The following WLS variants were observed in gnomAD, a reference collection of about 807,000 sequenced individuals.
WLS encodes protein wntless homolog.
A neutral mutation model predicts 62.8 loss-of-function variants in WLS; 23 were observed. That is an observed-to-expected ratio of 0.37 (90% CI 0.26 to 0.52). The LOEUF is 0.52. Among genes scored for constraint, WLS ranks in the 20% least tolerant of loss-of-function variants. The pLI is 0.92. For missense variants in WLS, 615 were observed against 697.3 expected (o/e 0.88, Z 1.33); for synonymous variants, 246 against 244.1 (o/e 1.01, Z -0.07).
At chr1:68,149,992 T>C (rs1646804440) in intron 6 of WLS, among the ~76,000 whole-genome samples, 196 bp downstream of exon 6, 2 of 152,218 alleles carry the variant, frequency 1.3e-5, no homozygotes, top group African/African-American at 4.8e-5. Context: ...GTCATTTGCC[T>C]AAAGCCACTC....
chr1:68,215,937 T>G (rs1344731047), intron 1 of WLS, among the ~76,000 whole-genome samples: 1 of 152,140 alleles, frequency 6.6e-6, no homozygotes, highest in African/African-American at 2.4e-5. Context: ...AGACCCAGAT[T>G]CCACCCGGGG....
At chr1:68,134,667 A>G (rs926775801) in intron 11 of WLS, among the ~76,000 whole-genome samples, 1 of 152,256 alleles carries the variant, frequency 6.6e-6, no homozygotes, top group Non-Finnish European at 1.5e-5. Context: ...GTCACAAACC[A>G]AAACAACTGT....
chr1:68,155,244 C>A lies in WLS; in HGVS notation c.521G>T (p.Gly174Val), dbSNP rs1646880407. Residue 174 changes from glycine (G) to valine (V), a missense_variant, in exon 4 of 12, where the codon GGC (glycine) becomes GTC (valine). Transcript: ENST00000262348. ...AAGGACATCACATTCATAGTAACGG[C>A]CCTCATGCTCTGGAGTCTGGAAAAA... ...FTSPKTPEHE[G>V]RYYECDVLPF... 2 of 1,613,126 alleles carry A rather than the reference C, an allele frequency of 1.2e-6. No homozygotes were observed. Among genetic ancestry groups the A allele is most frequent in the Non-Finnish European group, 1.7e-6 (2 of 1,179,536 alleles).
rs1557536213 is a variant in WLS, at chr1:68,232,265, T to A, written c.35A>T (p.Lys12Met). 1.2e-6 allele frequency: 2 copies of A among 1,614,128 alleles called. No individual in the cohort carries two copies. The highest frequency in any genetic ancestry group is 1.1e-5 in the South Asian group (1 of 91,052). ...AATCCCACCAACAATGCACAGCTTC[T>A]TGGTGCTCATGTTTTCTATAATTGC... ...AGAIIENMST[K>M]KLCIVGGILL... is the part of the protein sequence containing the mutation. The change falls in exon 1 of 12, where the codon AAG (lysine) becomes ATG (methionine). Residue 12 changes from lysine to methionine, a missense_variant. Coordinates refer to ENST00000262348, the MANE Select transcript of WLS (RefSeq NM_024911.7).
chr1:68,231,605 T>G (rs1571051480), intron 1 of WLS: 1 of 361,888 alleles, frequency 2.8e-6, no homozygotes, highest in South Asian at 2.1e-5. Flanking sequence ...CGGCAGAGCG[T>G]GGGGTGGAGT....
chr1:68,206,270 G>A (rs1649275944), intron 1 of WLS, among the ~76,000 whole-genome samples: 2 of 152,202 alleles, frequency 1.3e-5, no homozygotes, highest in African/African-American at 2.4e-5. Flanking sequence ...ATGGAGGGTT[G>A]AAGATAAAAG....
chr1:68,159,084 C>A, intron 3 of WLS, 39 bp downstream of exon 3: 3 of 1,610,042 alleles, frequency 1.9e-6, no homozygotes, highest in South Asian at 1.1e-5. Context: ...ACCTGAGAAC[C>A]AAATAAAAAC....
chr1:68,099,432 TGATCA>T (rs1646049854), intron 11 of WLS, among the ~76,000 whole-genome samples: 1 of 152,172 alleles, frequency 6.6e-6, no homozygotes, highest in African/African-American at 2.4e-5. Flanking sequence ...GAGGAATACT[TGATCA>T]GACACACAAT....
At chr1:68,186,803 AATATAT>A (rs1647973605) in intron 2 of WLS, among the ~76,000 whole-genome samples, 1 of 152,010 alleles carries the variant, frequency 6.6e-6, no homozygotes, top group African/African-American at 2.4e-5. Flanking sequence ...TATATAACAT[AATATAT>A]ATAATCTGTA....
intron 11 of WLS, among the ~76,000 whole-genome samples, chr1:68,105,972 T>C (rs890933760): frequency 6.6e-6 from 1 of 152,126 alleles, no homozygotes; most frequent in Non-Finnish European, 1.5e-5. Context: ...TGATACATAA[T>C]CACTTCTCTT....
chr1:68,228,076 C>T (rs12567995), intron 1 of WLS: 26,696 of 228,196 alleles, frequency 0.12, 2,200 homozygotes, highest in East Asian at 0.37. Flanking sequence ...AAATTGATTA[C>T]ATATGTGTGT....
At chr1:68,232,004 T>C (rs1650451252) in intron 1 of WLS, among the ~76,000 whole-genome samples, 190 bp downstream of exon 1, 1 of 152,018 alleles carries the variant, frequency 6.6e-6, no homozygotes, top group African/African-American at 2.4e-5. Flanking sequence ...TCCCCTCCTT[T>C]TCTCTTAGCC....
At chr1:68,143,000 C>A (rs534815098) in intron 10 of WLS, 1 of 152,142 alleles carries the variant, frequency 6.6e-6, no homozygotes, top group Non-Finnish European at 1.5e-5. Flanking sequence ...ATTTTCACAT[C>A]AATTACAGTT....
At chr1:68,194,910 A>C (rs551404268) in intron 1 of WLS, among the ~76,000 whole-genome samples, 1 of 152,246 alleles carries the variant, frequency 6.6e-6, no homozygotes, top group Non-Finnish European at 1.5e-5. Context: ...GTAACTTTAA[A>C]AACACTATTT....
At chr1:68,224,604 C>T (rs913398531) in intron 1 of WLS, among the ~76,000 whole-genome samples, 1 of 152,118 alleles carries the variant, frequency 6.6e-6, no homozygotes, top group Non-Finnish European at 1.5e-5. Context: ...GAGGTTCAGC[C>T]CTCCCTAGCA....
In WLS at chr1:68,126,198, G is replaced by A; in HGVS notation, c.*28C>T. 1 of 1,613,174 alleles carries A rather than the reference G, an allele frequency of 6.2e-7. No homozygotes were observed. The highest frequency in any genetic ancestry group is 1.1e-5 in the South Asian group (1 of 90,858). On this transcript the variant is annotated 3_prime_UTR_variant, in exon 12 of 12. Transcript: ENST00000262348. Reference sequence around the variant, plus strand: ...AGTTAGAGGGGCTGGGGTATGGAGAGACCGTCCCAGCCGGGCGCTGCAGCC... The same window carrying A: ...AGTTAGAGGGGCTGGGGTATGGAGAAACCGTCCCAGCCGGGCGCTGCAGCC...
intron 3 of WLS, 28 bp downstream of exon 3, chr1:68,159,095 T>C (rs1344439671): frequency 6.2e-7 from 1 of 1,610,802 alleles, no homozygotes; most frequent in Admixed American, 1.7e-5. Flanking sequence ...AAATAAAAAC[T>C]GTCAGCTTAG....
chr1:68,134,072 G>C (rs147808299), intron 11 of WLS, among the ~76,000 whole-genome samples: 97 of 152,346 alleles, frequency 6.4e-4, no homozygotes, highest in African/African-American at 2.2e-3. Context: ...AGGAGCATGG[G>C]AATGCTGGAG....
chr1:68,135,332 T>C (rs1646592808), intron 11 of WLS, among the ~76,000 whole-genome samples: 1 of 110,064 alleles, frequency 9.1e-6, no homozygotes, highest in Admixed American at 9.8e-5. Flanking sequence ...TTTTTTTTTG[T>C]AGAGATGGGG....
Sources: gnomAD v4.1 joint callset for allele counts (sites outside exome capture counted in the v4.1 genomes callset) on GRCh38, gnomAD v4.1.1 for gene constraint, MANE v1.5 for transcripts, NCBI Gene and HGNC (gene_info 2026-07-23, HGNC 2026-07-21) for gene names.